The following HCK variants were observed in gnomAD, a reference collection of about 807,000 sequenced individuals.
HCK encodes tyrosine-protein kinase HCK.
Under a neutral mutation model 70.4 loss-of-function variants are expected in HCK, and 40 were observed. That is an observed-to-expected ratio of 0.57 (90% CI 0.44 to 0.74). The LOEUF (loss-of-function observed/expected upper bound fraction) is 0.74, where lower values mean the gene tolerates loss of function less well. HCK is among the 30% of genes least tolerant of loss of function. HCK has a pLI of 0.00. For missense variants in HCK, 568 were observed against 697.2 expected, an observed-to-expected ratio of 0.81 and a Z score of 2.09; for synonymous variants, 245 against 263.2, an observed-to-expected ratio of 0.93 and a Z score of 0.67.
intron 6 of HCK, 41 bp downstream of exon 6, chr20:32,079,918 GC>G: frequency 7.0e-7 from 1 of 1,428,828 alleles, no homozygotes; most frequent in East Asian, 2.3e-5. Flanking sequence ...CTGCCGAGGT[GC>G]CCCAGCTGGG....
intron 8 of HCK, among the ~76,000 whole-genome samples, 176 bp from the exon 9 acceptor site, chr20:32,086,452 C>T (rs747400899): frequency 6.6e-5 from 10 of 152,210 alleles, no homozygotes; most frequent in Admixed American, 1.3e-4. Context: ...GTGGTGAACC[C>T]GCCTTTCAAC....
rs138700944 is a variant in HCK at position 32,062,892 on chromosome 20, C to A, written c.63-8770C>A. Among the ~76,000 whole-genome samples the A allele has an allele frequency of 7.9e-5, 12 of 152,294 alleles. No homozygotes were observed. In the East Asian group the frequency reaches 2.3e-3, roughly 29 times the overall value. On this transcript the variant is annotated intron_variant, in intron 1 of 12. Transcript: ENST00000375852. ...CTGTTGAGGAAATACTTTTTCCCCACCCCCATTGCTGAGCTGTTCTGAGAA... is the reference window on the plus strand; with the variant it reads ...CTGTTGAGGAAATACTTTTTCCCCAACCCCATTGCTGAGCTGTTCTGAGAA...
intron 1 of HCK, among the ~76,000 whole-genome samples, chr20:32,059,612 T>C (rs1460724517): frequency 1.3e-5 from 2 of 151,894 alleles, no homozygotes; most frequent in East Asian, 3.9e-4. Flanking sequence ...CCTCCTGCGC[T>C]CAAGCGATCC....
At chr20:32,054,266 T>C in intron 1 of HCK, 1 of 455,974 alleles carries the variant, frequency 2.2e-6, no homozygotes, top group South Asian at 1.5e-5. Context: ...CCTCTGAAAA[T>C]GGATTGCATA....
At chr20:32,058,544 A>AAAG (rs1555873943) in intron 1 of HCK, among the ~76,000 whole-genome samples, 3 of 147,076 alleles carry the variant, frequency 2.0e-5, no homozygotes, top group South Asian at 2.2e-4. Flanking sequence ...AAAAAAAAAA[A>AAAG]GGGGGAGAAC....
At chr20:32,059,224 G>A (rs1279271911) in intron 1 of HCK, among the ~76,000 whole-genome samples, 2 of 152,146 alleles carry the variant, frequency 1.3e-5, no homozygotes, top group Non-Finnish European at 2.9e-5. Flanking sequence ...TGGCCATGGA[G>A]GGCTTATAGA....
intron 11 of HCK, among the ~76,000 whole-genome samples, chr20:32,097,395 C>G (rs1014667869): frequency 6.6e-6 from 1 of 151,752 alleles, no homozygotes; most frequent in East Asian, 1.9e-4. Flanking sequence ...CTGGCTAACA[C>G]GGTGAAACCC....
intron 11 of HCK, among the ~76,000 whole-genome samples, chr20:32,098,294 G>A (rs1478348880): frequency 2.0e-5 from 3 of 152,040 alleles, no homozygotes; most frequent in African/African-American, 7.2e-5. Flanking sequence ...GTCTCCCAAA[G>A]TGCTGGGATT....
intron 5 of HCK, among the ~76,000 whole-genome samples, chr20:32,075,405 G>T (rs555114247): frequency 1.6e-4 from 25 of 152,082 alleles, no homozygotes; most frequent in African/African-American, 5.5e-4. Flanking sequence ...GTCTCTCTGT[G>T]TTGCCCAGGC....
intron 9 of HCK, among the ~76,000 whole-genome samples, chr20:32,087,578 C>G (rs997499146): frequency 6.6e-6 from 1 of 152,048 alleles, no homozygotes; most frequent in African/African-American, 2.4e-5. Context: ...AGGATCCTCC[C>G]GACTTAGTCT....
At position 32,071,706 on chromosome 20, in the gene HCK, C is replaced by T; in HGVS notation, c.107C>T (p.Thr36Ile). The change falls in exon 2 of 13, where the codon ACA (threonine) becomes ATA (isoleucine). Residue 36 changes from threonine to isoleucine, a missense_variant. Thr to Ile is a moderately conservative substitution (Grantham distance 89). Coordinates refer to ENST00000375852, the MANE Select transcript of HCK (RefSeq NM_002110.5). Reference sequence around the variant, plus strand: ...AAGTTCCTCCAGGTCGGAGGCAATACATTCTCAAAAACTGAAACCAGCGCC... The same window carrying T: ...AAGTTCCTCCAGGTCGGAGGCAATATATTCTCAAAAACTGAAACCAGCGCC... 1.2e-6 allele frequency: 2 copies of T among 1,614,160 alleles called. No homozygotes were observed. Among genetic ancestry groups the T allele is most frequent in the Non-Finnish European group, 8.5e-7 (1 of 1,180,016 alleles).
chr20:32,072,080 C>G lies in HCK; in HGVS notation c.183+298C>G, dbSNP rs541194801. The G allele has an allele frequency of 1.4e-4, 54 of 396,990 alleles. No homozygotes were observed. In the South Asian group the frequency reaches 2.5e-3, roughly 18 times the overall value. 24.6% of individuals were successfully genotyped at this position (396,990 alleles called of 1,614,324 possible). Reference sequence around the variant, plus strand: ...GGCCTGGGCAGAAGCAAAAGCAGTGCTGAGAAACGAGTGAACAGTAATGAT... The same window carrying G: ...GGCCTGGGCAGAAGCAAAAGCAGTGGTGAGAAACGAGTGAACAGTAATGAT... On this transcript the variant is annotated intron_variant, in intron 2 of 12. Transcript: ENST00000375852.
In HCK at chr20:32,061,367, G is replaced by T. The variant is rs151026457; in HGVS notation, c.62+8881G>T. On this transcript the variant is annotated intron_variant, in intron 1 of 12. Coordinates refer to ENST00000375852, the MANE Select transcript of HCK (RefSeq NM_002110.5). ...TGACAGAGGTCCCCCAGACATGGGTGGGCTTCGGTCTCCCTGCCACACTCA... is the reference window on the plus strand; with the variant it reads ...TGACAGAGGTCCCCCAGACATGGGTTGGCTTCGGTCTCCCTGCCACACTCA... 1.4e-3 allele frequency among the ~76,000 whole-genome samples: 206 copies of T among 152,352 alleles called. 1 individual carries two copies. The highest frequency in any genetic ancestry group is 4.7e-3 in the African/African-American group (197 of 41,590).
rs2045794791 is a variant in HCK, at chr20:32,086,808, G to A, written c.1015+1G>A. On this transcript the variant is annotated splice_donor_variant, in intron 9 of 12. Transcript: ENST00000375852. LOFTEE classifies it high-confidence loss of function. ...ATCATCACGGAGTTCATGGCCAAAG[G>A]TGCTGCGTGCTGGGGCTGGGGGTGC... 1.3e-6 allele frequency: 2 copies of A among 1,569,538 alleles called. No homozygotes were observed. The highest frequency in any genetic ancestry group is 1.7e-6 in the Non-Finnish European group (2 of 1,157,212).
At chr20:32,087,648 T>C (rs963487904) in intron 9 of HCK, among the ~76,000 whole-genome samples, 2 of 150,772 alleles carry the variant, frequency 1.3e-5, no homozygotes, top group African/African-American at 4.9e-5. Context: ...TAAAAAAATT[T>C]TTTTTTTTTT....
chr20:32,074,818 C>T, intron 5 of HCK, 97 bp downstream of exon 5: 1 of 799,290 alleles, frequency 1.3e-6, no homozygotes, highest in Non-Finnish European at 2.2e-6. Flanking sequence ...CACTGCCTGG[C>T]ACATACTCTT....
chr20:32,081,134 A>G (rs1205038634), intron 6 of HCK, among the ~76,000 whole-genome samples: 1 of 152,198 alleles, frequency 6.6e-6, no homozygotes, highest in Non-Finnish European at 1.5e-5. Context: ...CTTATCCACA[A>G]GCCTCATTCC....
At chr20:32,056,471 G>A (rs970864887) in intron 1 of HCK, among the ~76,000 whole-genome samples, 6 of 151,472 alleles carry the variant, frequency 4.0e-5, no homozygotes, top group Admixed American at 1.3e-4. Flanking sequence ...AGCCGAGATC[G>A]AGCCACTGCA....
At chr20:32,097,372 G>A (rs2045970757) in intron 11 of HCK, among the ~76,000 whole-genome samples, 2 of 152,056 alleles carry the variant, frequency 1.3e-5, no homozygotes, top group Admixed American at 1.3e-4. Flanking sequence ...GAGGTCAGGA[G>A]ATCGAGACCA....
Sources: gnomAD v4.1 joint callset for allele counts (sites outside exome capture counted in the v4.1 genomes callset) on GRCh38, gnomAD v4.1.1 for gene constraint, MANE v1.5 for transcripts, NCBI Gene and HGNC (gene_info 2026-07-23, HGNC 2026-07-21) for gene names.